IL5RA: variants seen among roughly 807,000 people sequenced by gnomAD.
IL5RA encodes interleukin-5 receptor subunit alpha.
Under a neutral mutation model 50.0 loss-of-function variants are expected in IL5RA, and 49 were observed. That is an observed-to-expected ratio of 0.98 (90% CI 0.78 to 1.24). The LOEUF (loss-of-function observed/expected upper bound fraction) is 1.24, where lower values mean the gene tolerates loss of function less well. IL5RA is among the 50% of genes most tolerant of loss of function. IL5RA has a pLI of 0.00. For missense variants in IL5RA, 600 were observed against 500.4 expected, an observed-to-expected ratio of 1.20 and a Z score of -1.90; for synonymous variants, 202 against 174.0, an observed-to-expected ratio of 1.16 and a Z score of -1.26.
rs1031691084 is a variant in IL5RA, at chr3:3,067,585, T to G, written c.*2640A>C. ...CCAGAATGAGAATCCAGAGGCGGGA[T>G]CAACCAACTCTGCTTTTGAAGGCTT... On this transcript the variant is annotated 3_prime_UTR_variant, in exon 12 of 12. Coordinates refer to ENST00000446632, the MANE Select transcript of IL5RA (RefSeq NM_175726.4). 6.6e-6 allele frequency: 1 copy of G among 152,248 alleles called. No individual in the cohort carries two copies. The highest frequency in any genetic ancestry group is 1.5e-5 in the Non-Finnish European group (1 of 68,112). 9.4% of individuals were successfully genotyped at this position (152,248 alleles called of 1,614,324 possible). A position where few individuals can be genotyped will look rare whatever the true frequency, so the allele number is the denominator to read the frequency against.
intron 11 of IL5RA, chr3:3,073,779 T>C (rs775796212): frequency 2.2e-6 from 1 of 451,842 alleles, no homozygotes; most frequent in East Asian, 7.0e-5. Flanking sequence ...CCTTTTTTTG[T>C]AGAAAATTGT....
chr3:3,087,883 G>A (rs1043571588), intron 9 of IL5RA, among the ~76,000 whole-genome samples: 11 of 152,252 alleles, frequency 7.2e-5, no homozygotes, highest in East Asian at 3.9e-4. Context: ...TTCCTATTAC[G>A]TTTATTAATC....
intron 10 of IL5RA, 64 bp downstream of exon 10, chr3:3,076,467 G>C (rs1400950140): frequency 1.9e-6 from 2 of 1,040,312 alleles, no homozygotes; most frequent in East Asian, 4.8e-5. Flanking sequence ...CGGATGCATG[G>C]TAAGCCTGTA....
Position 3,098,200 on chromosome 3 carries a change from A to T in IL5RA, c.458T>A (p.Leu153His), listed in dbSNP as rs772683840. 6.8e-6 allele frequency: 11 copies of T among 1,614,048 alleles called. No homozygotes were observed. Among genetic ancestry groups the T allele is most frequent in the Admixed American group, 1.7e-5 (1 of 59,998 alleles). The change falls in exon 6 of 12, where the codon CTT (leucine) becomes CAT (histidine). Residue 153 changes from leucine (L) to histidine (H), a missense_variant. Coordinates refer to ENST00000446632, the MANE Select transcript of IL5RA (RefSeq NM_175726.4). ...YSRLRSYQVS[L>H]HCTWLVGTDA... ...TGTGCCAACAAGCCAGGTGCAGTGA[A>T]GGGAAACTTGGTATGACCTTAAACG...
chr3:3,083,296 G>C (rs1056116556), intron 9 of IL5RA, among the ~76,000 whole-genome samples: 1 of 152,208 alleles, frequency 6.6e-6, no homozygotes, highest in Non-Finnish European at 1.5e-5. Flanking sequence ...GCAAAATGCA[G>C]CCTCAGTGAA....
At chr3:3,087,189 A>T (rs1702900838) in intron 9 of IL5RA, among the ~76,000 whole-genome samples, 1 of 152,206 alleles carries the variant, frequency 6.6e-6, no homozygotes, top group Non-Finnish European at 1.5e-5. Flanking sequence ...TGTAACCAAA[A>T]ACCACTTGTA....
rs1454901096 is a variant in IL5RA at position 3,068,551 on chromosome 3, G to A, written c.*1674C>T. 1 of 139,288 alleles carries A rather than the reference G, an allele frequency of 7.2e-6. No individual in the cohort carries two copies. The highest frequency in any genetic ancestry group is 1.5e-5 in the Non-Finnish European group (1 of 66,996). 8.6% of individuals were successfully genotyped at this position (139,288 alleles called of 1,614,324 possible). The stretch of plus-strand genomic sequence containing the variant: ...GATCACATCACTACACTCTAGCCTG[G>A]GAGACAGAACAAGACTGTCTCCACC... On this transcript the variant is annotated 3_prime_UTR_variant, in exon 12 of 12. Transcript: ENST00000446632.
At chr3:3,107,215 ACT>A (rs1703965476) in intron 2 of IL5RA, among the ~76,000 whole-genome samples, 1 of 151,316 alleles carries the variant, frequency 6.6e-6, no homozygotes, top group Non-Finnish European at 1.5e-5. Context: ...AGCACAAGGT[ACT>A]CAGTAGGGGT....
At chr3:3,075,158 T>TGAA (rs1702432449) in intron 10 of IL5RA, among the ~76,000 whole-genome samples, 1 of 151,156 alleles carries the variant, frequency 6.6e-6, no homozygotes, top group African/African-American at 2.4e-5. Flanking sequence ...TGGTGCTGAT[T>TGAA]GAAGCATTCC....
Position 3,092,150 on chromosome 3 carries a change from C to T in IL5RA, c.994+74G>A, listed in dbSNP as rs533721968. The T allele has an allele frequency of 1.7e-4, 272 of 1,566,780 alleles. No individual in the cohort carries two copies. The highest frequency in any genetic ancestry group is 4.7e-4 in the South Asian group (39 of 82,626). On this transcript the variant is annotated intron_variant, in intron 9 of 11. Transcript: ENST00000446632. This position sits in a 1 kb window ranked among gnomAD's most constrained non-coding sequence, Gnocchi z 4.2. ...AACCATTTTAAGACCCACGAGTGAACGGGTACGTTTCTGGGATTACCTTTT... is the reference window on the plus strand; with the variant it reads ...AACCATTTTAAGACCCACGAGTGAATGGGTACGTTTCTGGGATTACCTTTT...
At chr3:3,073,887 C>T (rs568531886) in intron 11 of IL5RA, 6 of 415,378 alleles carry the variant, frequency 1.4e-5, no homozygotes, top group African/African-American at 4.2e-5. Context: ...CAAATGGTCT[C>T]GTGGTTTACG....
chr3:3,075,630 TCA>T (rs1702452621), intron 10 of IL5RA, among the ~76,000 whole-genome samples: 1 of 150,910 alleles, frequency 6.6e-6, no homozygotes, highest in African/African-American at 2.4e-5. Flanking sequence ...AGACACAGTC[TCA>T]CTCTGTCCCC....
intron 9 of IL5RA, among the ~76,000 whole-genome samples, chr3:3,083,946 G>A (rs1352611018): frequency 1.3e-5 from 2 of 151,784 alleles, no homozygotes; most frequent in African/African-American, 4.8e-5. Context: ...TCCGGTGGCT[G>A]AGGCAGGAAA....
At chr3:3,075,916 T>A (rs1386619221) in intron 10 of IL5RA, among the ~76,000 whole-genome samples, 1 of 152,158 alleles carries the variant, frequency 6.6e-6, no homozygotes, top group Non-Finnish European at 1.5e-5. Context: ...AAACTCATTT[T>A]CTAAATTATG....
rs953880142 is a variant in IL5RA at position 3,092,842 on chromosome 3, G to C, written c.856-480C>G. 6.6e-6 allele frequency among the ~76,000 whole-genome samples: 1 copy of C among 152,166 alleles called. No individual in the cohort carries two copies. Among genetic ancestry groups the C allele is most frequent in the East Asian group, 1.9e-4 (1 of 5,188 alleles). On this transcript the variant is annotated intron_variant, in intron 8 of 11. Coordinates refer to ENST00000446632, the MANE Select transcript of IL5RA (RefSeq NM_175726.4). This position sits in a 1 kb window ranked among gnomAD's most constrained non-coding sequence, Gnocchi z 4.2. Reference sequence around the variant, plus strand: ...ACCATCCAGCTAGTCCCCTGTACCAGAGATGTGCTCCTGACACCTGTATCT... The same window carrying C: ...ACCATCCAGCTAGTCCCCTGTACCACAGATGTGCTCCTGACACCTGTATCT...
intron 11 of IL5RA, among the ~76,000 whole-genome samples, chr3:3,072,813 G>A (rs2125949403): frequency 6.6e-6 from 1 of 152,350 alleles, no homozygotes; most frequent in East Asian, 1.9e-4. Context: ...ATGGGAGGCT[G>A]AGGCAGGAGA....
intron 2 of IL5RA, among the ~76,000 whole-genome samples, chr3:3,107,911 T>C (rs1704004605): frequency 6.6e-6 from 1 of 152,214 alleles, no homozygotes; most frequent in African/African-American, 2.4e-5. Context: ...AGTTCAGACT[T>C]ACAAATATTT....
In IL5RA at chr3:3,074,739, A is replaced by C. The variant is rs777528348; in HGVS notation, c.1176+43T>G. The C allele has an allele frequency of 6.7e-6, 8 of 1,196,224 alleles. No individual in the cohort carries two copies. In the East Asian group the frequency reaches 1.6e-4, roughly 24 times the overall value. The allele number at this position is 1,196,224 out of a possible 1,614,324, so 74.1% of individuals were successfully genotyped here. ...CGAATGACAGCTCCCAGGGGACTCA[A>C]CCCTGGACACATACGGCATATCATA... On this transcript the variant is annotated intron_variant, in intron 11 of 11. Coordinates refer to ENST00000446632, the MANE Select transcript of IL5RA (RefSeq NM_175726.4).
In IL5RA at chr3:3,092,119, A is replaced by T. The variant is rs1574994804; in HGVS notation, c.994+105T>A. On this transcript the variant is annotated intron_variant, in intron 9 of 11. Coordinates refer to ENST00000446632, the MANE Select transcript of IL5RA (RefSeq NM_175726.4). This position sits in a 1 kb window ranked among gnomAD's most constrained non-coding sequence, Gnocchi z 4.2. ...CGAGAGAAAATTAGTCACAATAGAGATATGAAACCATTTTAAGACCCACGA... is the reference window on the plus strand; with the variant it reads ...CGAGAGAAAATTAGTCACAATAGAGTTATGAAACCATTTTAAGACCCACGA... 1.1e-5 allele frequency: 17 copies of T among 1,509,560 alleles called. No homozygotes were observed. Among genetic ancestry groups the T allele is most frequent in the East Asian group, 6.8e-5 (3 of 44,042 alleles). 93.5% of individuals were successfully genotyped at this position (1,509,560 alleles called of 1,614,324 possible).
Sources: allele counts gnomAD v4.1 joint callset (sites outside exome capture counted in the v4.1 genomes callset), GRCh38; gene constraint gnomAD v4.1.1; non-coding constraint Gnocchi (gnomAD v3.1); transcripts MANE v1.5; gene names NCBI Gene and HGNC (gene_info 2026-07-23, HGNC 2026-07-21).